LHFPL6: variants seen among roughly 807,000 people sequenced by gnomAD.
LHFPL6 encodes LHFPL tetraspan subfamily member 6 protein.
LHFPL6 carries 9 observed loss-of-function variants against 20.6 expected under a neutral mutation model. The ratio of observed to expected loss-of-function variants is 0.44; its 90% CI spans 0.26 to 0.76. The LOEUF is 0.76. Among genes scored for constraint, LHFPL6 ranks in the 30% least tolerant of loss-of-function variants. The probability of loss-of-function intolerance (pLI) is 0.20; values close to 1 mark genes in which losing one functional copy is unlikely to be tolerated. For missense variants in LHFPL6, 218 were observed against 253.5 expected (o/e 0.86, Z 0.95); for synonymous variants, 105 against 98.7 (o/e 1.06, Z -0.38).
intron 2 of LHFPL6, among the ~76,000 whole-genome samples, chr13:39,470,847 G>A (rs1250108925): frequency 1.3e-5 from 2 of 152,166 alleles, no homozygotes; most frequent in Non-Finnish European, 2.9e-5. Flanking sequence ...CTAATGTTAT[G>A]GAGAATACTA....
At chr13:39,443,935 G>C (rs1872213141) in intron 2 of LHFPL6, among the ~76,000 whole-genome samples, 1 of 151,324 alleles carries the variant, frequency 6.6e-6, no homozygotes, top group African/African-American at 2.4e-5. Flanking sequence ...GCTATCCTAA[G>C]CTATGATGTT....
At chr13:39,545,477 C>A (rs952189198) in intron 2 of LHFPL6, among the ~76,000 whole-genome samples, 1 of 151,982 alleles carries the variant, frequency 6.6e-6, no homozygotes, top group Non-Finnish European at 1.5e-5. Flanking sequence ...TAAATAAGAA[C>A]CCACTTACTA....
At position 39,520,022 on chromosome 13, in the gene LHFPL6, T is replaced by C. The variant is rs1285087761; in HGVS notation, c.385+80810A>G. ...TAGACGTGTACATTAGTGATGTCAG[T>C]AGGAAGTGGGATGTTTCAGGATCCT... On this transcript the variant is annotated intron_variant, in intron 2 of 3. Coordinates refer to ENST00000379589, the MANE Select transcript of LHFPL6 (RefSeq NM_005780.3). Among the ~76,000 whole-genome samples, 8 of 152,226 alleles carry C rather than the reference T, an allele frequency of 5.3e-5. No individual in the cohort carries two copies. The East Asian group carries it at 1.2e-3, about 22-fold the overall frequency.
chr13:39,393,600 G>A (rs1870765215), intron 2 of LHFPL6, among the ~76,000 whole-genome samples: 1 of 152,180 alleles, frequency 6.6e-6, no homozygotes, highest in Non-Finnish European at 1.5e-5. Context: ...GCTAAATGGT[G>A]AGGATGGGGT....
At chr13:39,344,479 T>C (rs1369020368) in intron 3 of LHFPL6, among the ~76,000 whole-genome samples, 3 of 152,190 alleles carry the variant, frequency 2.0e-5, no homozygotes, top group Non-Finnish European at 2.9e-5. Flanking sequence ...AGGCAACCCA[T>C]TTGAAGGATA....
intron 2 of LHFPL6, among the ~76,000 whole-genome samples, chr13:39,584,753 C>A (rs1872396344): frequency 6.6e-6 from 1 of 151,762 alleles, no homozygotes; most frequent in African/African-American, 2.4e-5. Context: ...GTAAGAAGGG[C>A]AAAACAACAA....
At chr13:39,349,961 G>A (rs1869514102) in intron 3 of LHFPL6, among the ~76,000 whole-genome samples, 1 of 152,224 alleles carries the variant, frequency 6.6e-6, no homozygotes, top group Non-Finnish European at 1.5e-5. Context: ...AGAGTTCGGA[G>A]CTTGAAGCCT....
intron 3 of LHFPL6, among the ~76,000 whole-genome samples, chr13:39,362,491 T>C (rs1869899306): frequency 6.6e-6 from 1 of 152,232 alleles, no homozygotes; most frequent in Non-Finnish European, 1.5e-5. Flanking sequence ...AATGGGTGTA[T>C]GTATATGTAT....
intron 2 of LHFPL6, among the ~76,000 whole-genome samples, chr13:39,530,996 T>C (rs1870448648): frequency 6.6e-6 from 1 of 151,608 alleles, no homozygotes; most frequent in Admixed American, 6.6e-5. Context: ...TGGTTAAGAA[T>C]TGTAACAAAG....
At chr13:39,544,254 C>T (rs1040570781) in intron 2 of LHFPL6, among the ~76,000 whole-genome samples, 5 of 152,152 alleles carry the variant, frequency 3.3e-5, no homozygotes, top group Non-Finnish European at 5.9e-5. Flanking sequence ...ATTTGTTTTG[C>T]AGTCATCTTT....
chr13:39,420,574 G>C (rs1871457298), intron 2 of LHFPL6, among the ~76,000 whole-genome samples: 1 of 152,152 alleles, frequency 6.6e-6, no homozygotes, highest in Admixed American at 6.5e-5. Context: ...TGAAGGAAGT[G>C]GGGTTTGTGA....
intron 2 of LHFPL6, among the ~76,000 whole-genome samples, chr13:39,478,327 C>T (rs976615822): frequency 6.6e-6 from 1 of 151,900 alleles, no homozygotes; most frequent in African/African-American, 2.4e-5. Context: ...AGGCACTGTG[C>T]TAAATACTGG....
At chr13:39,458,883 C>T (rs547036178) in intron 2 of LHFPL6, among the ~76,000 whole-genome samples, 46 of 152,056 alleles carry the variant, frequency 3.0e-4, no homozygotes, top group Middle Eastern at 3.4e-3. Context: ...AAGGAAATAC[C>T]GAAGAAATAA....
At chr13:39,403,272 C>T (rs1360506878) in intron 2 of LHFPL6, among the ~76,000 whole-genome samples, 1 of 152,192 alleles carries the variant, frequency 6.6e-6, no homozygotes, top group Non-Finnish European at 1.5e-5. Flanking sequence ...TCTCCATTTC[C>T]TCCTTATTTC....
intron 2 of LHFPL6, among the ~76,000 whole-genome samples, chr13:39,573,379 C>T (rs1871996661): frequency 6.6e-6 from 1 of 151,944 alleles, no homozygotes; most frequent in Non-Finnish European, 1.5e-5. Context: ...TTAAAAAGAA[C>T]CGTTCACATG....
intron 2 of LHFPL6, among the ~76,000 whole-genome samples, chr13:39,554,379 A>C (rs1279087542): frequency 6.6e-6 from 1 of 152,178 alleles, no homozygotes; most frequent in South Asian, 2.1e-4. Flanking sequence ...TTTCTTACTA[A>C]ATCAAAATCA....
At chr13:39,452,666 T>C (rs567747675) in intron 2 of LHFPL6, among the ~76,000 whole-genome samples, 1 of 152,256 alleles carries the variant, frequency 6.6e-6, no homozygotes, top group African/African-American at 2.4e-5. Context: ...CACACATTCC[T>C]CTTCTGCTGC....
intron 2 of LHFPL6, among the ~76,000 whole-genome samples, chr13:39,511,120 A>T (rs57801935): frequency 0.1 from 15,826 of 152,012 alleles, 1,010 homozygotes; most frequent in African/African-American, 0.18. Flanking sequence ...TGATCCGTCC[A>T]CCTCAGCCTC....
intron 2 of LHFPL6, among the ~76,000 whole-genome samples, chr13:39,484,086 C>A (rs1376416259): frequency 6.6e-6 from 1 of 152,150 alleles, no homozygotes; most frequent in Non-Finnish European, 1.5e-5. Flanking sequence ...GTGATTCCAT[C>A]CAGATCTGTG....
Sources: allele counts gnomAD v4.1 joint callset (sites outside exome capture counted in the v4.1 genomes callset), GRCh38; gene constraint gnomAD v4.1.1; transcripts MANE v1.5; gene names NCBI Gene and HGNC (gene_info 2026-07-23, HGNC 2026-07-21).